The following INPP4B variants were observed in gnomAD, a reference collection of about 807,000 sequenced individuals.
INPP4B encodes the protein inositol polyphosphate-4-phosphatase type II B, also known as inositol polyphosphate 4-phosphatase type II.
In INPP4B, 55 loss-of-function variants were observed where a neutral mutation model predicts 122.5. That is an observed-to-expected ratio of 0.45 (90% CI 0.36 to 0.56). The LOEUF (loss-of-function observed/expected upper bound fraction) is 0.56, where lower values mean the gene tolerates loss of function less well. INPP4B is among the 20% of genes least tolerant of loss of function. The pLI, the probability that INPP4B is intolerant of heterozygous loss-of-function variation, is 0.00. For missense variants in INPP4B, 1,000 were observed against 1,097.7 expected (o/e 0.91, Z 1.26); for synonymous variants, 403 against 388.7 (o/e 1.04, Z -0.43).
At chr4:142,104,719 C>T (rs748608678) in intron 23 of INPP4B, among the ~76,000 whole-genome samples, 12 of 152,018 alleles carry the variant, frequency 7.9e-5, no homozygotes, top group Non-Finnish European at 1.8e-4. Flanking sequence ...CAGAAGATAC[C>T]AAAATCACAG....
At chr4:142,195,172 T>C (rs980831241) in intron 14 of INPP4B, among the ~76,000 whole-genome samples, 2 of 152,318 alleles carry the variant, frequency 1.3e-5, no homozygotes, top group African/African-American at 4.8e-5. Context: ...GAGAACAATA[T>C]GCTAAGTGAA....
intron 2 of INPP4B, among the ~76,000 whole-genome samples, chr4:142,465,095 C>T (rs74940607): frequency 0.017 from 2,627 of 152,166 alleles, 74 homozygotes; most frequent in African/African-American, 0.059. Context: ...TTTAAATACC[C>T]GTAATGCATA....
At chr4:142,325,465 T>C (rs557527537) in intron 7 of INPP4B, among the ~76,000 whole-genome samples, 43 of 152,302 alleles carry the variant, frequency 2.8e-4, no homozygotes, top group African/African-American at 9.1e-4. Flanking sequence ...CCAACTTGGA[T>C]AAACAATAAT....
chr4:142,232,510 A>G (rs1043496422), intron 12 of INPP4B, among the ~76,000 whole-genome samples: 8 of 152,002 alleles, frequency 5.3e-5, no homozygotes, highest in Admixed American at 6.6e-5. Context: ...TAGTCAATAA[A>G]TGTTGTGTGT....
At chr4:142,029,371 T>TTTATTATTTTA in intron 25 of INPP4B, 13 of 985,370 alleles carry the variant, frequency 1.3e-5, no homozygotes, top group Non-Finnish European at 1.6e-5. Flanking sequence ...TCATCTCTAT[T>TTTATTATTTTA]TTATTATTTT....
At chr4:142,738,732 A>G (rs1403738152) in intron 1 of INPP4B, among the ~76,000 whole-genome samples, 1 of 152,160 alleles carries the variant, frequency 6.6e-6, no homozygotes, top group African/African-American at 2.4e-5. Context: ...ATCAGTTGGA[A>G]ATAATATACA....
chr4:142,057,814 C>T (rs997003283), intron 25 of INPP4B, among the ~76,000 whole-genome samples: 1 of 152,054 alleles, frequency 6.6e-6, no homozygotes, highest in African/African-American at 2.4e-5. Flanking sequence ...ATCTACAGTG[C>T]CTACAATTTA....
At chr4:142,600,817 G>A (rs1322338114) in intron 2 of INPP4B, among the ~76,000 whole-genome samples, 1 of 151,912 alleles carries the variant, frequency 6.6e-6, no homozygotes, top group Admixed American at 6.6e-5. Flanking sequence ...TACCAATAGA[G>A]GCACATATAA....
intron 3 of INPP4B, among the ~76,000 whole-genome samples, chr4:142,450,981 C>CG (rs1415664652): frequency 6.7e-6 from 1 of 149,984 alleles, no homozygotes; most frequent in South Asian, 2.1e-4. Flanking sequence ...TAACTCCCCC[C>CG]CCCAAAAAAA....
chr4:142,358,338 G>T (rs763208279), intron 7 of INPP4B, among the ~76,000 whole-genome samples: 88 of 151,846 alleles, frequency 5.8e-4, no homozygotes, highest in Non-Finnish European at 9.6e-4. Context: ...TTTATAGGGT[G>T]CACTGGGGTA....
chr4:142,752,576 C>G (rs1769894388), intron 1 of INPP4B, among the ~76,000 whole-genome samples: 1 of 152,050 alleles, frequency 6.6e-6, no homozygotes, highest in Non-Finnish European at 1.5e-5. Context: ...TTTAAGCAAC[C>G]AGCTGAGGAA....
At chr4:142,282,830 C>A (rs938816938) in intron 9 of INPP4B, among the ~76,000 whole-genome samples, 1 of 151,946 alleles carries the variant, frequency 6.6e-6, no homozygotes, top group African/African-American at 2.4e-5. Flanking sequence ...AATCAAGGGG[C>A]GGGTGTTATG....
At chr4:142,758,071 A>G (rs1770760630) in intron 1 of INPP4B, among the ~76,000 whole-genome samples, 1 of 152,188 alleles carries the variant, frequency 6.6e-6, no homozygotes, top group Non-Finnish European at 1.5e-5. Context: ...CTCTGAATAG[A>G]TCTCATCAGT....
At chr4:142,393,877 G>A (rs181537981) in intron 7 of INPP4B, among the ~76,000 whole-genome samples, 142 of 152,258 alleles carry the variant, frequency 9.3e-4, no homozygotes, top group South Asian at 2.1e-4. Context: ...TTTCCACCAC[G>A]TGGCTGCACT....
At chr4:142,802,752 G>GT (rs1389847837) in intron 1 of INPP4B, among the ~76,000 whole-genome samples, 1 of 151,464 alleles carries the variant, frequency 6.6e-6, no homozygotes, top group Non-Finnish European at 1.5e-5. Context: ...CTGGGAATGA[G>GT]TTTTTCCTCT....
rs192037223 is a variant in INPP4B, at chr4:142,481,609, T to C, written c.-190-18883A>G. Among the ~76,000 whole-genome samples the C allele has an allele frequency of 1.7e-3, 255 of 152,300 alleles. 1 individual carries two copies. The highest frequency in any genetic ancestry group is 5.9e-3 in the African/African-American group (247 of 41,570). On this transcript the variant is annotated intron_variant, in intron 2 of 25. Transcript: ENST00000262992. ...AATTTGTATTATCAAAGCATATTTGTTATGTGTTATAGTTGTATTAACTCT... is the reference window on the plus strand; with the variant it reads ...AATTTGTATTATCAAAGCATATTTGCTATGTGTTATAGTTGTATTAACTCT...
chr4:142,672,406 G>A (rs1335938369), intron 2 of INPP4B, among the ~76,000 whole-genome samples: 1 of 152,022 alleles, frequency 6.6e-6, no homozygotes, highest in East Asian at 1.9e-4. Context: ...ACCTTGGTAG[G>A]TACAGTGGTT....
chr4:142,506,495 T>C (rs1824040864), intron 2 of INPP4B, among the ~76,000 whole-genome samples: 1 of 152,146 alleles, frequency 6.6e-6, no homozygotes, highest in Non-Finnish European at 1.5e-5. Context: ...AGCAGCCTGT[T>C]ATAGAAAATC....
At chr4:142,480,299 C>A (rs1232136436) in intron 2 of INPP4B, among the ~76,000 whole-genome samples, 2 of 152,082 alleles carry the variant, frequency 1.3e-5, no homozygotes, top group East Asian at 3.9e-4. Context: ...ATTCATAGAT[C>A]CAATTTTTGC....
Sources: gnomAD v4.1 joint callset for allele counts (sites outside exome capture counted in the v4.1 genomes callset) on GRCh38, gnomAD v4.1.1 for gene constraint, MANE v1.5 for transcripts, NCBI Gene and HGNC (gene_info 2026-07-23, HGNC 2026-07-21) for gene names.